Variants in CPQ observed in about 807,000 individuals in gnomAD.
CPQ encodes the protein carboxypeptidase Q, also known as Ser-Met dipeptidase.
Under a neutral mutation model 45.7 loss-of-function variants are expected in CPQ, and 37 were observed. The observed-to-expected ratio is 0.81, with a 90% CI of 0.62 to 1.07. CPQ has a LOEUF of 1.07. Ranked by LOEUF, CPQ falls within the 50% of genes least tolerant of loss-of-function variation. The pLI, the probability that CPQ is intolerant of heterozygous loss-of-function variation, is 0.00. For synonymous variants in CPQ, 186 were observed against 205.8 expected (o/e 0.90, Z 0.82); for missense variants, 537 against 572.9 (o/e 0.94, Z 0.64).
At chr8:96,671,954 A>T (rs1057142652) in intron 1 of CPQ, among the ~76,000 whole-genome samples, 1 of 152,174 alleles carries the variant, frequency 6.6e-6, no homozygotes, top group African/African-American at 2.4e-5. Context: ...CCTGGCAGAA[A>T]CAAATAGATC....
At chr8:96,981,956 A>G (rs1200749067) in intron 5 of CPQ, among the ~76,000 whole-genome samples, 2 of 152,206 alleles carry the variant, frequency 1.3e-5, no homozygotes, top group Non-Finnish European at 2.9e-5. Context: ...AGATGGTAAC[A>G]TGCTTGCAGG....
At chr8:97,115,606 T>A (rs1490507965) in intron 7 of CPQ, among the ~76,000 whole-genome samples, 2 of 152,224 alleles carry the variant, frequency 1.3e-5, no homozygotes, top group African/African-American at 4.8e-5. Flanking sequence ...GTACCTGACT[T>A]AGCCTTCATT....
intron 7 of CPQ, among the ~76,000 whole-genome samples, chr8:97,073,578 G>A (rs1023871018): frequency 1.3e-5 from 2 of 152,154 alleles, no homozygotes; most frequent in African/African-American, 4.8e-5. Context: ...TCAAGCCCTC[G>A]TTTAAATAGC....
chr8:97,102,620 A>C (rs1811333334), intron 7 of CPQ, among the ~76,000 whole-genome samples: 1 of 152,142 alleles, frequency 6.6e-6, no homozygotes, highest in African/African-American at 2.4e-5. Context: ...TTCTTAACCT[A>C]TCTACATGTC....
chr8:97,026,756 G>C (rs1809806265), intron 5 of CPQ, among the ~76,000 whole-genome samples: 1 of 152,184 alleles, frequency 6.6e-6, no homozygotes, highest in Admixed American at 6.5e-5. Flanking sequence ...TGAGGCCTTA[G>C]CATTCCTCAC....
chr8:96,747,550 A>C (rs1810206705), intron 1 of CPQ, among the ~76,000 whole-genome samples: 2 of 152,168 alleles, frequency 1.3e-5, no homozygotes, highest in South Asian at 4.1e-4. Context: ...TTAGCCCCAA[A>C]CTGACAGAGG....
chr8:97,087,277 A>T (rs1317879176), intron 7 of CPQ, among the ~76,000 whole-genome samples: 1 of 152,180 alleles, frequency 6.6e-6, no homozygotes, highest in Non-Finnish European at 1.5e-5. Flanking sequence ...ATGATAATGG[A>T]TACACAAATT....
intron 7 of CPQ, among the ~76,000 whole-genome samples, chr8:97,083,640 A>C (rs1453583086): frequency 6.6e-6 from 1 of 152,178 alleles, no homozygotes; most frequent in African/African-American, 2.4e-5. Context: ...TATAGTTCCT[A>C]TTCAGCCAAA....
At chr8:96,695,488 T>A (rs1809364903) in intron 1 of CPQ, among the ~76,000 whole-genome samples, 1 of 151,670 alleles carries the variant, frequency 6.6e-6, no homozygotes, top group South Asian at 2.1e-4. Flanking sequence ...GAAACTACCA[T>A]CAGAGTGAAC....
intron 7 of CPQ, among the ~76,000 whole-genome samples, chr8:97,104,493 C>G (rs1811368639): frequency 6.6e-6 from 1 of 152,154 alleles, no homozygotes; most frequent in Non-Finnish European, 1.5e-5. Flanking sequence ...CAACTGGCAA[C>G]TTCACTACTA....
At chr8:96,810,593 T>C (rs1811149901) in intron 2 of CPQ, among the ~76,000 whole-genome samples, 1 of 152,190 alleles carries the variant, frequency 6.6e-6, no homozygotes, top group African/African-American at 2.4e-5. Flanking sequence ...CACACATAAG[T>C]TATTATTATG....
intron 7 of CPQ, among the ~76,000 whole-genome samples, chr8:97,084,892 G>A (rs377165667): frequency 6.7e-6 from 1 of 149,916 alleles, no homozygotes; most frequent in African/African-American, 2.5e-5. Context: ...GAGCATAAAG[G>A]CTTTCTCTTA....
chr8:97,033,903 A>C (rs1159104590), intron 6 of CPQ, among the ~76,000 whole-genome samples: 1 of 152,164 alleles, frequency 6.6e-6, no homozygotes, highest in African/African-American at 2.4e-5. Flanking sequence ...TACTCTAATT[A>C]ATATATGCAG....
At chr8:97,035,113 G>A (rs556461008) in intron 6 of CPQ, among the ~76,000 whole-genome samples, 47 of 152,022 alleles carry the variant, frequency 3.1e-4, no homozygotes, top group Non-Finnish European at 5.9e-4. Flanking sequence ...AGATGGTCTC[G>A]ATCTCTCGAC....
intron 4 of CPQ, among the ~76,000 whole-genome samples, chr8:96,939,822 G>A (rs986975896): frequency 6.6e-6 from 1 of 152,046 alleles, no homozygotes; most frequent in African/African-American, 2.4e-5. Flanking sequence ...GTTGCTCTAG[G>A]GTATATACCT....
chr8:97,124,618 T>C (rs574055015), intron 7 of CPQ, among the ~76,000 whole-genome samples: 6 of 152,272 alleles, frequency 3.9e-5, no homozygotes, highest in African/African-American at 1.2e-4. Context: ...GTCAAAAGCA[T>C]TAAGATATCA....
chr8:97,139,494 T>C (rs1191930802), intron 7 of CPQ, among the ~76,000 whole-genome samples: 1 of 152,088 alleles, frequency 6.6e-6, no homozygotes. Flanking sequence ...CATCACATAC[T>C]AGGCCATAGA....
intron 3 of CPQ, among the ~76,000 whole-genome samples, chr8:96,851,029 A>AG (rs1205942696): frequency 6.6e-6 from 1 of 152,152 alleles, no homozygotes; most frequent in Non-Finnish European, 1.5e-5. Flanking sequence ...TAATTCAGAG[A>AG]GGGGTAAAGA....
intron 2 of CPQ, among the ~76,000 whole-genome samples, chr8:96,804,998 C>T (rs1811061799): frequency 6.6e-6 from 1 of 152,110 alleles, no homozygotes; most frequent in Non-Finnish European, 1.5e-5. Flanking sequence ...GTATTACTTT[C>T]ATCTGAAGAA....
Sources: allele counts gnomAD v4.1 joint callset (sites outside exome capture counted in the v4.1 genomes callset), GRCh38; gene constraint gnomAD v4.1.1; transcripts MANE v1.5; gene names NCBI Gene and HGNC (gene_info 2026-07-23, HGNC 2026-07-21).